The following ERCC8 variants were observed in gnomAD, a reference collection of about 807,000 sequenced individuals.
ERCC8 encodes ERCC excision repair 8, CSA ubiquitin ligase complex subunit, also known as DNA excision repair protein ERCC-8.
In ERCC8, 52 loss-of-function variants were observed where a neutral mutation model predicts 54.9. The observed-to-expected ratio is 0.95, with a 90% CI of 0.76 to 1.19. The LOEUF (loss-of-function observed/expected upper bound fraction) is 1.19, where lower values mean the gene tolerates loss of function less well. Among genes scored for constraint, ERCC8 ranks in the 50% most tolerant of loss-of-function variants. ERCC8 has a pLI of 0.00. For synonymous variants in ERCC8, 146 were observed against 157.2 expected (o/e 0.93, Z 0.53); for missense variants, 514 against 466.1 (o/e 1.10, Z -0.95).
At chr5:60,896,000 T>C (rs184641277) in intron 9 of ERCC8, among the ~76,000 whole-genome samples, 26 of 152,332 alleles carry the variant, frequency 1.7e-4, no homozygotes, top group Non-Finnish European at 3.7e-4. Flanking sequence ...TCTTTTCTTT[T>C]TTGAGACGGA....
rs144343445 is a variant in ERCC8, at chr5:60,870,091, TAACAAAACAA to T, written c.*4514_*4523del. Among the ~76,000 whole-genome samples, 18 of 152,072 alleles carry T rather than the reference TAACAAAACAA, an allele frequency of 1.2e-4. No individual in the cohort carries two copies. The highest frequency in any genetic ancestry group is 4.1e-4 in the African/African-American group (17 of 41,506). On this transcript the variant is annotated 3_prime_UTR_variant, in exon 12 of 12. Coordinates refer to ENST00000676185, the MANE Select transcript of ERCC8 (RefSeq NM_000082.4). ...TCTCCACTATATTTTTGCAAGTGCT[TAACAAAACAA>T]AACAAAACAAAACAAGGGTTTAGGG...
intron 9 of ERCC8, among the ~76,000 whole-genome samples, chr5:60,897,259 G>C (rs978169276): frequency 6.6e-6 from 1 of 152,152 alleles, no homozygotes; most frequent in African/African-American, 2.4e-5. Flanking sequence ...CAACGTCCCA[G>C]TATTTCCTGT....
chr5:60,873,590 T>C lies in ERCC8; in HGVS notation c.*1025A>G, dbSNP rs998735788. Among the ~76,000 whole-genome samples, 1 of 152,098 alleles carries C rather than the reference T, an allele frequency of 6.6e-6. No individual in the cohort carries two copies. The highest frequency in any genetic ancestry group is 2.1e-4 in the South Asian group (1 of 4,824). On this transcript the variant is annotated 3_prime_UTR_variant, in exon 12 of 12. Coordinates refer to ENST00000676185, the MANE Select transcript of ERCC8 (RefSeq NM_000082.4). ...TACTCAGGAGGCTTAGGCAGGAGAA[T>C]TGCTTGAACCTGGGAGGTGAAGGTT...
intron 1 of ERCC8, among the ~76,000 whole-genome samples, chr5:60,939,518 GAC>G (rs1237510061): frequency 6.6e-6 from 1 of 151,920 alleles, no homozygotes; most frequent in East Asian, 1.9e-4. Flanking sequence ...TGCTTTTTGA[GAC>G]AGAGTCTCGC....
rs1057245685 is a variant in ERCC8 at position 60,872,401 on chromosome 5, A to T, written c.*2214T>A. ...AATGGAGAAAAAATATTAACTATAG[A>T]TCTGATAGGGGGTTAATATCCAAAA... On this transcript the variant is annotated 3_prime_UTR_variant, in exon 12 of 12. Coordinates refer to ENST00000676185, the MANE Select transcript of ERCC8 (RefSeq NM_000082.4). Among the ~76,000 whole-genome samples, 3 of 152,206 alleles carry T rather than the reference A, an allele frequency of 2.0e-5. No individual in the cohort carries two copies. The highest frequency in any genetic ancestry group is 4.4e-5 in the Non-Finnish European group (3 of 68,034).
At chr5:60,944,240 T>G (rs1368488950) in intron 1 of ERCC8, among the ~76,000 whole-genome samples, 1 of 152,158 alleles carries the variant, frequency 6.6e-6, no homozygotes, top group East Asian at 1.9e-4. Flanking sequence ...CTATCTTTAT[T>G]CTACTTGGCA....
rs764406810 is a variant in ERCC8 at position 60,944,999 on chromosome 5, A to G, written c.10T>C (p.Phe4Leu). 3.7e-6 allele frequency: 6 copies of G among 1,613,438 alleles called. No individual in the cohort carries two copies. In the Admixed American group the frequency reaches 1.0e-4, roughly 27 times the overall value. MLG[F>L]LSARQTGLED... The stretch of plus-strand genomic sequence containing the variant: ...AAACCCGTTTGGCGTGCGGACAAAA[A>G]CCCCAGCATATCGTGTCCTCACACC... Residue 4 changes from phenylalanine to leucine, a missense_variant, in exon 1 of 12, where the codon TTT becomes CTT. Coordinates refer to ENST00000676185, the MANE Select transcript of ERCC8 (RefSeq NM_000082.4).
chr5:60,935,655 T>C (rs972282825), intron 1 of ERCC8, among the ~76,000 whole-genome samples: 4 of 152,220 alleles, frequency 2.6e-5, no homozygotes, highest in African/African-American at 7.2e-5. Flanking sequence ...CCCCTTTCAG[T>C]ATAATGTTGG....
chr5:60,897,690 G>T (rs1748760399), intron 9 of ERCC8, among the ~76,000 whole-genome samples: 1 of 152,088 alleles, frequency 6.6e-6, no homozygotes, highest in Non-Finnish European at 1.5e-5. Flanking sequence ...ACATATTCTG[G>T]TACTATAAAA....
chr5:60,938,085 A>ATATATAT (rs1750140987), intron 1 of ERCC8, among the ~76,000 whole-genome samples: 2 of 18,686 alleles, frequency 1.1e-4, no homozygotes, highest in African/African-American at 3.3e-4. Context: ...ATATATATAT[A>ATATATAT]TTTTATTTTT....
rs535564527 is a variant in ERCC8, at chr5:60,908,952, A to T, written c.400-4079T>A. ...GGATTGTTAACAGAAAGGCGTATCT[A>T]TATGTAGACTCTAATATGACTTTTA... is the stretch of plus-strand genomic sequence containing the variant. On this transcript the variant is annotated intron_variant, in intron 4 of 11. Coordinates refer to ENST00000676185, the MANE Select transcript of ERCC8 (RefSeq NM_000082.4). Among the ~76,000 whole-genome samples, 3 of 152,294 alleles carry T rather than the reference A, an allele frequency of 2.0e-5. No homozygotes were observed. The East Asian group carries it at 5.8e-4, about 29-fold the overall frequency.
At position 60,918,317 on chromosome 5, in the gene ERCC8, G is replaced by A; in HGVS notation, c.347C>T (p.Thr116Ile). 6.3e-7 allele frequency: 1 copy of A among 1,592,534 alleles called. No homozygotes were observed. The highest frequency in any genetic ancestry group is 8.6e-7 in the Non-Finnish European group (1 of 1,160,806). The change falls in exon 4 of 12, where the codon ACA becomes ATA. Residue 116 changes from threonine to isoleucine, a missense_variant. Coordinates refer to ENST00000676185, the MANE Select transcript of ERCC8 (RefSeq NM_000082.4). ...QWYPHDTGMF[T>I]SSSFDKTLKV... ...CAGAGTTTTATCAAATGAGCTTGAT[G>A]TGAACATGCCAGTGTCATGAGGATA...
At chr5:60,892,089 G>A (rs1748579154) in intron 9 of ERCC8, 1 of 529,506 alleles carries the variant, frequency 1.9e-6, no homozygotes, top group Non-Finnish European at 3.8e-6. Flanking sequence ...CCATCTCCAT[G>A]ATCCTCTGCA....
At position 60,922,269 on chromosome 5, in the gene ERCC8, A is replaced by ATCTATGTATG; in HGVS notation, c.174-115_174-114insCATACATAGA. The ATCTATGTATG allele has an allele frequency of 4.7e-6, 3 of 641,752 alleles. No homozygotes were observed. In the South Asian group the frequency reaches 5.8e-5, roughly 12 times the overall value. The allele number at this position is 641,752 out of a possible 1,614,324, so 39.8% of individuals were successfully genotyped here. A position where few individuals can be genotyped will look rare whatever the true frequency, so the allele number is the denominator to read the frequency against. ...GCAAACACTCAAATGTATTAAGGAT[A>ATCTATGTATG]CATTAATTTATAATAAGTTAATCCT... On this transcript the variant is annotated intron_variant, in intron 2 of 11. Transcript: ENST00000676185.
In ERCC8 at chr5:60,892,921, G is replaced by A. The variant is rs10071845; in HGVS notation, c.844-1835C>T. Reference sequence around the variant, plus strand: ...ACAATGTCCATATGGATGTGGGTGCGCATTTCACCAAGGCAGCAATAGTTC... The same window carrying A: ...ACAATGTCCATATGGATGTGGGTGCACATTTCACCAAGGCAGCAATAGTTC... On this transcript the variant is annotated intron_variant, in intron 9 of 11. Coordinates refer to ENST00000676185, the MANE Select transcript of ERCC8 (RefSeq NM_000082.4). 0.02 allele frequency: 14,528 copies of A among 742,200 alleles called. 1,448 individuals are homozygous for A. The African/African-American group carries it at 0.22, about 11-fold the overall frequency. 46.0% of individuals were successfully genotyped at this position (742,200 alleles called of 1,614,324 possible). A position where few individuals can be genotyped will look rare whatever the true frequency, so the allele number is the denominator to read the frequency against.
At chr5:60,900,132 G>A (rs1748833667) in intron 7 of ERCC8, among the ~76,000 whole-genome samples, 1 of 151,926 alleles carries the variant, frequency 6.6e-6, no homozygotes, top group Non-Finnish European at 1.5e-5. Flanking sequence ...CTTTGCTCAA[G>A]AATCCATTTG....
chr5:60,893,525 C>T (rs1226287293), intron 9 of ERCC8: 2 of 777,080 alleles, frequency 2.6e-6, no homozygotes, highest in South Asian at 1.4e-5. Context: ...AGGCTTCTTA[C>T]AGCCCTTGGA....
intron 11 of ERCC8, among the ~76,000 whole-genome samples, chr5:60,876,924 C>T (rs1249359946): frequency 6.6e-6 from 1 of 151,996 alleles, no homozygotes; most frequent in South Asian, 2.1e-4. Context: ...GTTGCCATTG[C>T]TTTTGGTGTT....
chr5:60,886,066 G>GTATATA (rs34324683), intron 11 of ERCC8, among the ~76,000 whole-genome samples: 1 of 150,998 alleles, frequency 6.6e-6, no homozygotes, highest in African/African-American at 2.4e-5. Context: ...ATATATATAT[G>GTATATA]TATATATATA....
Sources: gnomAD v4.1 joint callset for allele counts (sites outside exome capture counted in the v4.1 genomes callset) on GRCh38, gnomAD v4.1.1 for gene constraint, MANE v1.5 for transcripts, NCBI Gene and HGNC (gene_info 2026-07-23, HGNC 2026-07-21) for gene names.